Variants in CDK14 observed in about 807,000 individuals in gnomAD.
The protein encoded by CDK14 is cyclin-dependent kinase 14.
A neutral mutation model predicts 60.7 loss-of-function variants in CDK14; 34 were observed. The observed-to-expected ratio is 0.56, with a 90% CI of 0.43 to 0.75. The LOEUF (loss-of-function observed/expected upper bound fraction) is 0.75, where lower values mean the gene tolerates loss of function less well. Among genes scored for constraint, CDK14 ranks in the 30% least tolerant of loss-of-function variants. The pLI, the probability that CDK14 is intolerant of heterozygous loss-of-function variation, is 0.00. For missense variants in CDK14, 482 were observed against 564.1 expected, an observed-to-expected ratio of 0.85 and a Z score of 1.47; for synonymous variants, 197 against 203.7, an observed-to-expected ratio of 0.97 and a Z score of 0.28.
intron 6 of CDK14, among the ~76,000 whole-genome samples, chr7:90,866,087 G>A (rs537904529): frequency 1.3e-4 from 20 of 152,038 alleles, no homozygotes; most frequent in Non-Finnish European, 2.5e-4. Flanking sequence ...GTTTGAATAA[G>A]TTTTGTAGAT....
chr7:90,606,690 A>G (rs1330684531), intron 2 of CDK14, among the ~76,000 whole-genome samples: 1 of 152,210 alleles, frequency 6.6e-6, no homozygotes, highest in Admixed American at 6.5e-5. Context: ...TAGATTCCGT[A>G]TGGGGGTGAT....
At chr7:90,655,955 A>G (rs1800743448) in intron 2 of CDK14, among the ~76,000 whole-genome samples, 1 of 152,186 alleles carries the variant, frequency 6.6e-6, no homozygotes, top group Non-Finnish European at 1.5e-5. Context: ...AAATCACTTG[A>G]ACTTTTTTGT....
At chr7:90,918,567 C>T (rs1054287391) in intron 8 of CDK14, among the ~76,000 whole-genome samples, 1 of 152,190 alleles carries the variant, frequency 6.6e-6, no homozygotes, top group Non-Finnish European at 1.5e-5. Context: ...TTCTGAGCAC[C>T]ACGGGATGCC....
intron 2 of CDK14, among the ~76,000 whole-genome samples, chr7:90,705,021 A>C (rs1188162144): frequency 2.0e-5 from 3 of 152,084 alleles, no homozygotes; most frequent in Non-Finnish European, 4.4e-5. Flanking sequence ...TAGATTACTA[A>C]TATATTACTA....
At chr7:91,178,615 GA>G (rs948052154) in intron 14 of CDK14, among the ~76,000 whole-genome samples, 1 of 151,826 alleles carries the variant, frequency 6.6e-6, no homozygotes, top group Non-Finnish European at 1.5e-5. Flanking sequence ...AAATTTACAG[GA>G]AAAAAACAAC....
intron 12 of CDK14, among the ~76,000 whole-genome samples, chr7:91,083,427 G>C (rs1307100388): frequency 6.6e-6 from 1 of 152,112 alleles, no homozygotes; most frequent in African/African-American, 2.4e-5. Flanking sequence ...CCTTGAAAAT[G>C]TACTGTTTTC....
rs138849809 is a variant in CDK14, at chr7:90,805,669, G to A, written c.544+15017G>A. Reference sequence around the variant, plus strand: ...AATAAAAAGATGTACCTTGTTTATGGATTGAAGATCTCGTATTGTTAAGAT... The same window carrying A: ...AATAAAAAGATGTACCTTGTTTATGAATTGAAGATCTCGTATTGTTAAGAT... On this transcript the variant is annotated intron_variant, in intron 5 of 14. Transcript: ENST00000380050. Among the ~76,000 whole-genome samples, 902 of 152,146 alleles carry A rather than the reference G, an allele frequency of 5.9e-3. 7 individuals are homozygous for A. The highest frequency in any genetic ancestry group is 0.021 in the African/African-American group (853 of 41,540).
chr7:90,603,293 A>G (rs2116316758), intron 1 of CDK14, among the ~76,000 whole-genome samples: 1 of 152,338 alleles, frequency 6.6e-6, no homozygotes, highest in African/African-American at 2.4e-5. Context: ...AAAAAATTCC[A>G]GTTCTAAAGC....
At chr7:90,863,117 A>G in intron 5 of CDK14, 58 bp from the exon 6 acceptor site, 1 of 884,610 alleles carries the variant, frequency 1.1e-6, no homozygotes, top group Non-Finnish European at 1.9e-6. Context: ...TTATAATGGT[A>G]TATATTAGTT....
intron 3 of CDK14, among the ~76,000 whole-genome samples, chr7:90,739,628 T>A (rs555751174): frequency 6.6e-6 from 1 of 152,202 alleles, no homozygotes; most frequent in East Asian, 1.9e-4. Flanking sequence ...TGTCTTATAC[T>A]TACTCTAAGT....
At position 90,798,570 on chromosome 7, in the gene CDK14, A is replaced by G. The variant is rs192641051; in HGVS notation, c.544+7918A>G. 1.3e-3 allele frequency among the ~76,000 whole-genome samples: 198 copies of G among 152,314 alleles called. 3 individuals carry two copies. In the Middle Eastern group the frequency reaches 0.02, roughly 16 times the overall value. On this transcript the variant is annotated intron_variant, in intron 5 of 14. Transcript: ENST00000380050. ...TCAATTTCTCATTTACAAAATATCAACAGCGGGAAGATTTCAGAATAGGAA... is the reference window on the plus strand; with the variant it reads ...TCAATTTCTCATTTACAAAATATCAGCAGCGGGAAGATTTCAGAATAGGAA...
chr7:90,849,487 G>A (rs1330399599), intron 5 of CDK14, among the ~76,000 whole-genome samples: 1 of 151,926 alleles, frequency 6.6e-6, no homozygotes, highest in East Asian at 1.9e-4. Context: ...GTGGTGTTAG[G>A]TTTTTACACA....
chr7:91,113,359 GGTTTT>G (rs1312817201), intron 13 of CDK14, among the ~76,000 whole-genome samples: 1 of 152,106 alleles, frequency 6.6e-6, no homozygotes, highest in African/African-American at 2.4e-5. Context: ...TTCCTGGGTG[GGTTTT>G]GTTTTGTTTT....
intron 14 of CDK14, among the ~76,000 whole-genome samples, chr7:91,171,542 GGAAATAAC>G (rs1415803212): frequency 3.3e-5 from 5 of 152,044 alleles, no homozygotes; most frequent in Non-Finnish European, 7.4e-5. Flanking sequence ...AAAAACACAT[GGAAATAAC>G]TTTCTTGACA....
intron 5 of CDK14, among the ~76,000 whole-genome samples, chr7:90,837,705 T>A (rs1434213670): frequency 6.6e-6 from 1 of 152,088 alleles, no homozygotes; most frequent in African/African-American, 2.4e-5. Flanking sequence ...TCTTCTTTGC[T>A]TTTTTTACTA....
intron 2 of CDK14, among the ~76,000 whole-genome samples, chr7:90,634,637 G>A (rs1392385276): frequency 6.6e-6 from 1 of 151,812 alleles, no homozygotes; most frequent in East Asian, 1.9e-4. Context: ...TAGTCCTTTG[G>A]GTATATACCC....
At chr7:91,148,618 C>T (rs1301748969) in intron 14 of CDK14, among the ~76,000 whole-genome samples, 2 of 152,132 alleles carry the variant, frequency 1.3e-5, no homozygotes, top group African/African-American at 4.8e-5. Context: ...CTCTTAAGGA[C>T]ATTGCATTCT....
intron 5 of CDK14, among the ~76,000 whole-genome samples, chr7:90,834,038 C>T (rs1468171671): frequency 5.9e-5 from 9 of 152,100 alleles, no homozygotes; most frequent in African/African-American, 2.2e-4. Context: ...TAAAAGACCC[C>T]TTGGTGGTGC....
chr7:91,010,418 TTATTC>T (rs1796117881), intron 10 of CDK14, among the ~76,000 whole-genome samples: 1 of 152,134 alleles, frequency 6.6e-6, no homozygotes, highest in African/African-American at 2.4e-5. Context: ...CTCAATGTAT[TTATTC>T]TATAATATCT....
Sources: allele counts gnomAD v4.1 joint callset (sites outside exome capture counted in the v4.1 genomes callset), GRCh38; gene constraint gnomAD v4.1.1; transcripts MANE v1.5; gene names NCBI Gene and HGNC (gene_info 2026-07-23, HGNC 2026-07-21).